TAFA5: variants seen among roughly 807,000 people sequenced by gnomAD.
The protein encoded by TAFA5 is chemokine-like protein TAFA-5.
TAFA5 carries 6 observed loss-of-function variants against 15.3 expected under a neutral mutation model. That is an observed-to-expected ratio of 0.39 (90% CI 0.21 to 0.77). The LOEUF is 0.77. TAFA5 is among the 30% of genes least tolerant of loss of function. The pLI is 0.41. For missense variants in TAFA5, 161 were observed against 193.1 expected (o/e 0.83, Z 0.98); for synonymous variants, 103 against 80.7 (o/e 1.28, Z -1.48).
At chr22:48,581,781 G>C (rs1459247429) in intron 1 of TAFA5, among the ~76,000 whole-genome samples, 5 of 152,178 alleles carry the variant, frequency 3.3e-5, no homozygotes, top group Non-Finnish European at 7.4e-5. Context: ...TAAACTACAG[G>C]ATCATGCATT....
chr22:48,689,045 T>C (rs999002003), intron 2 of TAFA5, among the ~76,000 whole-genome samples: 1 of 151,370 alleles, frequency 6.6e-6, no homozygotes, highest in Admixed American at 6.6e-5. Flanking sequence ...TGCTGCAGTT[T>C]AACTGCTAAG....
chr22:48,651,247 C>T (rs1038902764), intron 2 of TAFA5, among the ~76,000 whole-genome samples: 3 of 152,180 alleles, frequency 2.0e-5, no homozygotes, highest in Non-Finnish European at 2.9e-5. Context: ...AAGTCTCGGT[C>T]GTGGGCGGGG....
intron 1 of TAFA5, among the ~76,000 whole-genome samples, chr22:48,615,285 A>C (rs1601617112): frequency 6.6e-6 from 1 of 151,994 alleles, no homozygotes; most frequent in Admixed American, 6.5e-5. Context: ...GATGAAAAGC[A>C]CTCGTATCTG....
intron 1 of TAFA5, among the ~76,000 whole-genome samples, chr22:48,505,335 CCATCAT>C (rs1043176752): frequency 1.3e-5 from 2 of 152,184 alleles, no homozygotes; most frequent in African/African-American, 4.8e-5. Flanking sequence ...GCTCAGGGAT[CCATCAT>C]CTACACAAAA....
Position 48,541,736 on chromosome 22 carries a change from C to T in TAFA5, c.112+52032C>T, listed in dbSNP as rs550225281. Reference sequence around the variant, plus strand: ...TTGGCTCTGGGCTCAAGTCCTTCTTCAAGGTGGGACTGCTGGGAGGCCTTG... The same window carrying T: ...TTGGCTCTGGGCTCAAGTCCTTCTTTAAGGTGGGACTGCTGGGAGGCCTTG... On this transcript the variant is annotated intron_variant, in intron 1 of 3. Coordinates refer to ENST00000402357, the MANE Select transcript of TAFA5 (RefSeq NM_001082967.3). Among the ~76,000 whole-genome samples, 3 of 152,312 alleles carry T rather than the reference C, an allele frequency of 2.0e-5. No homozygotes were observed. The South Asian group carries it at 6.2e-4, about 32-fold the overall frequency.
chr22:48,735,947 G>C, intron 3 of TAFA5, among the ~76,000 whole-genome samples: 1 of 141,474 alleles, frequency 7.1e-6, no homozygotes, highest in South Asian at 2.2e-4. Context: ...CGCACTCCTA[G>C]AGTCCAGAGT....
intron 2 of TAFA5, among the ~76,000 whole-genome samples, chr22:48,702,763 G>C (rs892065009): frequency 6.6e-6 from 1 of 152,254 alleles, no homozygotes; most frequent in Admixed American, 6.5e-5. Context: ...ACCCGAGCCC[G>C]GGGAAAGGGA....
At chr22:48,538,420 G>A (rs542678934) in intron 1 of TAFA5, among the ~76,000 whole-genome samples, 2 of 152,328 alleles carry the variant, frequency 1.3e-5, no homozygotes, top group South Asian at 4.1e-4. Context: ...GTATTGGCTG[G>A]CGAGCTTTCC....
intron 1 of TAFA5, among the ~76,000 whole-genome samples, chr22:48,574,521 G>A (rs1923692942): frequency 6.6e-6 from 1 of 152,042 alleles, no homozygotes; most frequent in Non-Finnish European, 1.5e-5. Flanking sequence ...ACCTCCAAGA[G>A]CCCTTCAGGG....
intron 2 of TAFA5, among the ~76,000 whole-genome samples, chr22:48,683,733 C>T (rs1009182988): frequency 6.6e-6 from 1 of 152,242 alleles, no homozygotes; most frequent in Non-Finnish European, 1.5e-5. Flanking sequence ...TGTGTTCACA[C>T]CCAAATCTCA....
intron 1 of TAFA5, among the ~76,000 whole-genome samples, chr22:48,584,336 T>A (rs1924241948): frequency 8.6e-6 from 1 of 115,952 alleles, no homozygotes; most frequent in African/African-American, 3.4e-5. Flanking sequence ...CACACAGATA[T>A]CACACACACC....
chr22:48,611,563 C>T (rs924985501), intron 1 of TAFA5, among the ~76,000 whole-genome samples: 3 of 152,068 alleles, frequency 2.0e-5, no homozygotes, highest in South Asian at 2.1e-4. Flanking sequence ...GGCCAGGGCT[C>T]GTGAGAGTCT....
In TAFA5 at chr22:48,535,511, G is replaced by A. The variant is rs116783538; in HGVS notation, c.112+45807G>A. On this transcript the variant is annotated intron_variant, in intron 1 of 3. Coordinates refer to ENST00000402357, the MANE Select transcript of TAFA5 (RefSeq NM_001082967.3). ...AGCACACTGCACACGCAATGTACAC[G>A]TTCACACAGGCACATGTATGAGCAC... Among the ~76,000 whole-genome samples the A allele has an allele frequency of 4.3e-3, 660 of 151,968 alleles. 6 individuals are homozygous for A. Among genetic ancestry groups the A allele is most frequent in the African/African-American group, 0.015 (604 of 41,442 alleles).
At chr22:48,665,301 T>C (rs9628590) in intron 2 of TAFA5, among the ~76,000 whole-genome samples, 72,017 of 152,086 alleles carry the variant, frequency 0.47, 18,191 homozygotes, top group Non-Finnish European at 0.57. Context: ...TCTTCCTATA[T>C]GCTCCATTCA....
intron 1 of TAFA5, among the ~76,000 whole-genome samples, chr22:48,608,158 C>T (rs895852070): frequency 2.0e-5 from 3 of 152,130 alleles, no homozygotes; most frequent in Non-Finnish European, 4.4e-5. Context: ...GTCTTGGTCT[C>T]TTTTCAAGAC....
intron 2 of TAFA5, among the ~76,000 whole-genome samples, chr22:48,698,386 GATGATGGTGATGGTGGTGATGGTGATA>G (rs1316046742): frequency 1.3e-5 from 2 of 148,836 alleles, no homozygotes; most frequent in Admixed American, 6.7e-5. Flanking sequence ...GGAATCAGTT[GATGATGGTGATGGTGGTGATGGTGATA>G]ATGATGGTGG....
intron 1 of TAFA5, among the ~76,000 whole-genome samples, chr22:48,499,593 G>C (rs767735370): frequency 6.6e-6 from 1 of 152,164 alleles, no homozygotes; most frequent in Admixed American, 6.5e-5. Context: ...AGGGCCCTCC[G>C]CAGGGGGGTG....
intron 1 of TAFA5, among the ~76,000 whole-genome samples, chr22:48,504,539 C>T (rs558458216): frequency 7.9e-5 from 12 of 152,202 alleles, no homozygotes; most frequent in African/African-American, 1.9e-4. Flanking sequence ...TGCTGGGGGA[C>T]GTTTCCCACA....
intron 1 of TAFA5, among the ~76,000 whole-genome samples, chr22:48,606,898 C>T (rs1197948415): frequency 1.3e-5 from 2 of 152,224 alleles, no homozygotes; most frequent in Admixed American, 6.5e-5. Context: ...GCCTGCTTCA[C>T]GTGACAGTTC....
Sources: allele counts gnomAD v4.1 joint callset (sites outside exome capture counted in the v4.1 genomes callset), GRCh38; gene constraint gnomAD v4.1.1; transcripts MANE v1.5; gene names NCBI Gene and HGNC (gene_info 2026-07-23, HGNC 2026-07-21).